The following HTR2C variants were observed in gnomAD, a reference collection of about 807,000 sequenced individuals.
HTR2C encodes the protein 5-hydroxytryptamine receptor 2C.
In HTR2C, 5 loss-of-function variants were observed where a neutral mutation model predicts 21.0. That is an observed-to-expected ratio of 0.24 (90% CI 0.12 to 0.50). The LOEUF (loss-of-function observed/expected upper bound fraction) is 0.50, where lower values mean the gene tolerates loss of function less well. HTR2C is among the 20% of genes least tolerant of loss of function. The pLI, the probability that HTR2C is intolerant of heterozygous loss-of-function variation, is 0.98. For synonymous variants in HTR2C, 150 were observed against 145.3 expected (o/e 1.03, Z -0.23); for missense variants, 271 against 371.2 (o/e 0.73, Z 2.22).
At position 114,807,375 on chromosome X, in the gene HTR2C, CAT is replaced by C. The variant is rs1491303254; in HGVS notation, c.350-40620_350-40619del. Among the ~76,000 whole-genome samples the C allele has an allele frequency of 3.2e-3, 99 of 31,006 alleles. 46 individuals carry two copies. In the South Asian group the frequency reaches 0.047, roughly 15 times the overall value. The allele number at this position is 31,006 out of a possible 115,157, so 26.9% of individuals were successfully genotyped here. A position where few individuals can be genotyped will look rare whatever the true frequency, so the allele number is the denominator to read the frequency against. On this transcript the variant is annotated intron_variant, in intron 4 of 5. Transcript: ENST00000276198. The stretch of plus-strand genomic sequence containing the variant: ...ATATATATACACCATATATCTATAC[CAT>C]ATATATACGCCATATCTATACCATA...
At chrX:114,705,580 G>T (rs1290967791) in intron 2 of HTR2C, among the ~76,000 whole-genome samples, 58 of 107,167 alleles carry the variant, frequency 5.4e-4, no homozygotes, top group African/African-American at 1.8e-3. Flanking sequence ...AAGACTTAAA[G>T]GTTAGACCTA....
At chrX:114,652,757 T>A (rs1398107845) in intron 2 of HTR2C, 1 of 349,308 alleles carries the variant, frequency 2.9e-6, no homozygotes, top group Non-Finnish European at 5.7e-6. Context: ...ACAGACCTTA[T>A]GATCTAGTAT....
intron 2 of HTR2C, among the ~76,000 whole-genome samples, chrX:114,647,541 C>T: frequency 8.9e-6 from 1 of 112,088 alleles, no homozygotes; most frequent in African/African-American, 3.2e-5. Context: ...TTACTATATG[C>T]CTACTGTGGG....
chrX:114,747,872 A>C (rs2069721305), intron 4 of HTR2C, among the ~76,000 whole-genome samples: 1 of 112,227 alleles, frequency 8.9e-6, no homozygotes, highest in Non-Finnish European at 1.9e-5. Flanking sequence ...TCTCCAGATG[A>C]GCCTTAAGGT....
At chrX:114,797,516 T>A (rs908186668) in intron 4 of HTR2C, among the ~76,000 whole-genome samples, 20 of 111,614 alleles carry the variant, frequency 1.8e-4, no homozygotes, top group Non-Finnish European at 3.0e-4. Context: ...CCACAGTGTA[T>A]ATAAACTAAA....
intron 2 of HTR2C, among the ~76,000 whole-genome samples, chrX:114,703,967 G>A (rs782211729): frequency 9.1e-6 from 1 of 110,195 alleles, no homozygotes; most frequent in East Asian, 2.9e-4. Flanking sequence ...AGAAGAAATG[G>A]ATAAATTCCT....
chrX:114,850,961 C>G (rs972053975), intron 5 of HTR2C, among the ~76,000 whole-genome samples: 4 of 111,059 alleles, frequency 3.6e-5, no homozygotes, highest in Non-Finnish European at 7.6e-5. Flanking sequence ...TAATATTTGT[C>G]AAAATAGACT....
rs782282667 is a variant in HTR2C at position 114,613,169 on chromosome X, C to T, written c.-146-646C>T. On this transcript the variant is annotated intron_variant, in intron 1 of 5. Coordinates refer to ENST00000276198, the MANE Select transcript of HTR2C (RefSeq NM_000868.4). ...GGCCAGGCTCGTCTTGAACCCCTGA[C>T]CTCAAGTGATCCGCCCACCTCGGCC... is the stretch of plus-strand genomic sequence containing the variant. Among the ~76,000 whole-genome samples the T allele has an allele frequency of 3.6e-5, 4 of 110,732 alleles. No homozygotes were observed. In the South Asian group the frequency reaches 1.5e-3, roughly 42 times the overall value.
chrX:114,751,037 G>C (rs1362465850), intron 4 of HTR2C, among the ~76,000 whole-genome samples: 1 of 111,918 alleles, frequency 8.9e-6, no homozygotes, highest in Non-Finnish European at 1.9e-5. Flanking sequence ...ATTAGAATTT[G>C]AGTGCATTAA....
intron 4 of HTR2C, among the ~76,000 whole-genome samples, chrX:114,748,486 T>C (rs782654463): frequency 9.0e-6 from 1 of 111,583 alleles, no homozygotes; most frequent in East Asian, 2.8e-4. Context: ...ATTGGAGAAC[T>C]CATAATACTG....
Position 114,690,444 on chromosome X carries a change from C to T in HTR2C, c.-79-36414C>T, listed in dbSNP as rs782384881. ...ATTTTGATATTTGACTGTTTTTCAT[C>T]TGCCTCTATACCCTTCAAGATGTTT... On this transcript the variant is annotated intron_variant, in intron 2 of 5. Transcript: ENST00000276198. 2.7e-5 allele frequency among the ~76,000 whole-genome samples: 3 copies of T among 111,894 alleles called. No homozygotes were observed. The South Asian group carries it at 1.1e-3, about 41-fold the overall frequency.
At chrX:114,895,777 C>G (rs375345446) in intron 5 of HTR2C, among the ~76,000 whole-genome samples, 1 of 111,201 alleles carries the variant, frequency 9.0e-6, no homozygotes, top group Admixed American at 9.6e-5. Context: ...CACATGAGGT[C>G]AGGATTTCGA....
At chrX:114,885,295 G>T (rs960269338) in intron 5 of HTR2C, among the ~76,000 whole-genome samples, 3 of 111,252 alleles carry the variant, frequency 2.7e-5, no homozygotes, top group African/African-American at 9.8e-5. Flanking sequence ...TCACCATTGT[G>T]TTACAATTGC....
At position 114,845,815 on chromosome X, in the gene HTR2C, G is replaced by T. The variant is rs190187787; in HGVS notation, c.350-2188G>T. 1.1e-4 allele frequency among the ~76,000 whole-genome samples: 12 copies of T among 108,715 alleles called. No individual in the cohort carries two copies. In the Admixed American group the frequency reaches 1.2e-3, roughly 11 times the overall value. The allele number at this position is 108,715 out of a possible 115,157, so 94.4% of individuals were successfully genotyped here. ...ACTTGAGCCTATGAGTTCAAGAGCA[G>T]CCTAGGCAACATGGTGAAAACCCAT... On this transcript the variant is annotated intron_variant, in intron 4 of 5. Coordinates refer to ENST00000276198, the MANE Select transcript of HTR2C (RefSeq NM_000868.4).
intron 4 of HTR2C, among the ~76,000 whole-genome samples, chrX:114,806,516 C>A (rs1394864808): frequency 1.1e-5 from 1 of 91,797 alleles, no homozygotes; most frequent in African/African-American, 4.0e-5. Context: ...CATATATACA[C>A]CACATATATA....
At chrX:114,633,333 C>A (rs1252299343) in intron 2 of HTR2C, among the ~76,000 whole-genome samples, 2 of 111,965 alleles carry the variant, frequency 1.8e-5, no homozygotes, top group African/African-American at 6.5e-5. Flanking sequence ...AAACATCTGC[C>A]TGTAGTTGAA....
rs1410259990 is a variant in HTR2C, at chrX:114,835,412, T to C, written c.350-12591T>C. ...TGGAGGCTTTTTTGGTTTCCTTTTA[T>C]TCTTTTTTCTCTAAACTTCCCTTCT... On this transcript the variant is annotated intron_variant, in intron 4 of 5. Transcript: ENST00000276198. Among the ~76,000 whole-genome samples, 6 of 107,497 alleles carry C rather than the reference T, an allele frequency of 5.6e-5. No homozygotes were observed. In the Admixed American group the frequency reaches 6.1e-4, roughly 11 times the overall value. 93.3% of individuals were successfully genotyped at this position (107,497 alleles called of 115,157 possible). A position where few individuals can be genotyped will look rare whatever the true frequency, so the allele number is the denominator to read the frequency against.
intron 4 of HTR2C, among the ~76,000 whole-genome samples, chrX:114,811,023 T>C (rs956430234): frequency 2.7e-5 from 3 of 111,599 alleles, no homozygotes; most frequent in Non-Finnish European, 3.8e-5. Context: ...AAAAATGATA[T>C]AGTAAGGCTA....
intron 2 of HTR2C, among the ~76,000 whole-genome samples, chrX:114,726,173 T>C (rs1309230366): frequency 1.8e-5 from 2 of 112,510 alleles, no homozygotes; most frequent in African/African-American, 6.4e-5. Flanking sequence ...TGAGACTCCG[T>C]GGGCATAGGA....
Sources: allele counts gnomAD v4.1 joint callset (sites outside exome capture counted in the v4.1 genomes callset), GRCh38; gene constraint gnomAD v4.1.1; transcripts MANE v1.5; gene names NCBI Gene and HGNC (gene_info 2026-07-23, HGNC 2026-07-21).